Variants in CBLB observed in about 807,000 individuals in gnomAD.
CBLB encodes Cbl proto-oncogene B, also known as E3 ubiquitin-protein ligase CBL-B.
Under a neutral mutation model 104.9 loss-of-function variants are expected in CBLB, and 31 were observed. That is an observed-to-expected ratio of 0.30 (90% CI 0.22 to 0.40). CBLB has a LOEUF of 0.40. CBLB is among the 10% of genes least tolerant of loss of function. CBLB has a pLI of 1.00. For synonymous variants in CBLB, 440 were observed against 422.6 expected, an observed-to-expected ratio of 1.04 and a Z score of -0.51; for missense variants, 1,062 against 1,214.6, an observed-to-expected ratio of 0.87 and a Z score of 1.87.
chr3:105,787,877 A>G (rs2081204584), intron 3 of CBLB, among the ~76,000 whole-genome samples: 1 of 152,182 alleles, frequency 6.6e-6, no homozygotes, highest in Non-Finnish European at 1.5e-5. Context: ...AACAAAGAAA[A>G]CCACAAAGCA....
chr3:105,729,827 A>G (rs2074113204), intron 9 of CBLB, among the ~76,000 whole-genome samples: 1 of 152,124 alleles, frequency 6.6e-6, no homozygotes, highest in Admixed American at 6.5e-5. Flanking sequence ...TTTTATTTTT[A>G]TTAAATACCA....
chr3:105,755,402 A>C (rs1460630282), intron 4 of CBLB, among the ~76,000 whole-genome samples: 3 of 152,180 alleles, frequency 2.0e-5, no homozygotes, highest in Non-Finnish European at 4.4e-5. Context: ...TCTCCTGTGT[A>C]AATGTGGAGA....
intron 3 of CBLB, among the ~76,000 whole-genome samples, chr3:105,801,893 A>G (rs1440644079): frequency 6.6e-6 from 1 of 152,256 alleles, no homozygotes; most frequent in Non-Finnish European, 1.5e-5. Flanking sequence ...CCTTGGAAAA[A>G]TCCTGAAAGA....
intron 4 of CBLB, among the ~76,000 whole-genome samples, chr3:105,753,754 G>A (rs2076796621): frequency 6.6e-6 from 1 of 152,044 alleles, no homozygotes; most frequent in African/African-American, 2.4e-5. Context: ...TTCCACATCT[G>A]TTACTATAAA....
chr3:105,760,872 A>C lies in CBLB; in HGVS notation c.567-9254T>G, dbSNP rs188773076. Among the ~76,000 whole-genome samples the C allele has an allele frequency of 1.8e-3, 272 of 152,350 alleles. 2 individuals are homozygous for C. The highest frequency in any genetic ancestry group is 5.2e-3 in the African/African-American group (215 of 41,582). On this transcript the variant is annotated intron_variant, in intron 4 of 18. Coordinates refer to ENST00000394030, the MANE Select transcript of CBLB (RefSeq NM_170662.5). ...TTAAATAACTCCTTTGTTATTAAAG[A>C]TTAACAAAACAAAAACAAATCTATA...
At chr3:105,825,990 A>G (rs1404437119) in intron 3 of CBLB, among the ~76,000 whole-genome samples, 3 of 152,186 alleles carry the variant, frequency 2.0e-5, no homozygotes, top group Non-Finnish European at 2.9e-5. Flanking sequence ...AGTAGATTAA[A>G]TTCTTGAAAA....
At chr3:105,775,897 C>G (rs1389876932) in intron 4 of CBLB, among the ~76,000 whole-genome samples, 1 of 152,116 alleles carries the variant, frequency 6.6e-6, no homozygotes, top group Non-Finnish European at 1.5e-5. Flanking sequence ...ATCAGGGTGC[C>G]AGGGCCTTCT....
Position 105,826,851 on chromosome 3 carries a change from C to T in CBLB, c.419+26563G>A, listed in dbSNP as rs556632336. Among the ~76,000 whole-genome samples, 24 of 152,172 alleles carry T rather than the reference C, an allele frequency of 1.6e-4. No homozygotes were observed. The South Asian group carries it at 4.8e-3, about 30-fold the overall frequency. On this transcript the variant is annotated intron_variant, in intron 3 of 18. Transcript: ENST00000394030. ...TATGTTGGTATGAAAGGAAATGTTC[C>T]CTCAACTTTCTCATTCATATATAAA...
intron 13 of CBLB, among the ~76,000 whole-genome samples, chr3:105,692,178 G>A (rs2152753701): frequency 6.6e-6 from 1 of 152,258 alleles, no homozygotes; most frequent in East Asian, 1.9e-4. Context: ...GACCTCAGCA[G>A]ATAAAATTTA....
At chr3:105,747,470 G>GT (rs1467270064) in intron 5 of CBLB, among the ~76,000 whole-genome samples, 1 of 152,074 alleles carries the variant, frequency 6.6e-6, no homozygotes. Flanking sequence ...TAATAATGAA[G>GT]TTTTTTAGCC....
At chr3:105,677,642 A>T (rs2065814436) in intron 17 of CBLB, among the ~76,000 whole-genome samples, 1 of 151,882 alleles carries the variant, frequency 6.6e-6, no homozygotes, top group Non-Finnish European at 1.5e-5. Context: ...TGGAACTGTT[A>T]ATTAGTATCA....
At chr3:105,766,737 CA>C (rs35318604) in intron 4 of CBLB, among the ~76,000 whole-genome samples, 95 of 152,264 alleles carry the variant, frequency 6.2e-4, no homozygotes, top group Admixed American at 2.6e-3. Flanking sequence ...ACTAGGAAGA[CA>C]AAAATAATCT....
intron 4 of CBLB, among the ~76,000 whole-genome samples, chr3:105,752,514 A>G (rs2076681999): frequency 6.6e-6 from 1 of 152,276 alleles, no homozygotes; most frequent in Admixed American, 6.5e-5. Flanking sequence ...TTAAACTACA[A>G]TTTTTACAAC....
chr3:105,668,521 TA>T (rs570542460), intron 18 of CBLB, among the ~76,000 whole-genome samples: 244 of 152,170 alleles, frequency 1.6e-3, no homozygotes, highest in Middle Eastern at 3.4e-3. Context: ...CTATTTTCTT[TA>T]AAAAAAATTG....
chr3:105,675,843 C>T (rs746775760), intron 17 of CBLB, among the ~76,000 whole-genome samples: 2 of 137,020 alleles, frequency 1.5e-5, no homozygotes, highest in Non-Finnish European at 1.5e-5. Flanking sequence ...TGAGATCGCA[C>T]CACTGTACTC....
chr3:105,736,246 C>T (rs900279594), intron 8 of CBLB, among the ~76,000 whole-genome samples: 20 of 152,130 alleles, frequency 1.3e-4, no homozygotes, highest in Non-Finnish European at 2.8e-4. Context: ...TCCCTCACTG[C>T]TCAATCCCTT....
intron 13 of CBLB, among the ~76,000 whole-genome samples, chr3:105,692,846 G>C (rs562310322): frequency 1.3e-5 from 2 of 149,414 alleles, no homozygotes; most frequent in East Asian, 3.9e-4. Context: ...GTTTATCCTG[G>C]TTTAACTTGG....
At chr3:105,785,785 A>T (rs1331446560) in intron 3 of CBLB, among the ~76,000 whole-genome samples, 1 of 152,224 alleles carries the variant, frequency 6.6e-6, no homozygotes, top group Non-Finnish European at 1.5e-5. Flanking sequence ...CTTCCCCAGG[A>T]TTAAAATTAT....
intron 3 of CBLB, among the ~76,000 whole-genome samples, chr3:105,779,187 G>A (rs546703044): frequency 1.8e-3 from 276 of 152,206 alleles, no homozygotes; most frequent in Admixed American, 4.5e-3. Context: ...TAGATCTAAA[G>A]TCTGAAACAC....
Sources: allele counts gnomAD v4.1 joint callset (sites outside exome capture counted in the v4.1 genomes callset), GRCh38; gene constraint gnomAD v4.1.1; transcripts MANE v1.5; gene names NCBI Gene and HGNC (gene_info 2026-07-23, HGNC 2026-07-21).